Variants in CSNK1G3 observed in about 807,000 individuals in gnomAD.
The protein encoded by CSNK1G3 is casein kinase 1 gamma 3.
CSNK1G3 carries 23 observed loss-of-function variants against 64.3 expected under a neutral mutation model. That is an observed-to-expected ratio of 0.36 (90% CI 0.26 to 0.51). The LOEUF is 0.51. CSNK1G3 is among the 20% of genes least tolerant of loss of function. CSNK1G3 has a pLI of 0.96. For synonymous variants in CSNK1G3, 158 were observed against 162.2 expected, an observed-to-expected ratio of 0.97 and a Z score of 0.20; for missense variants, 357 against 510.5, an observed-to-expected ratio of 0.70 and a Z score of 2.90.
intron 8 of CSNK1G3, 144 bp from the exon 9 acceptor site, chr5:123,590,266 T>C: frequency 2.6e-6 from 1 of 379,644 alleles, no homozygotes; most frequent in Non-Finnish European, 4.6e-6. Flanking sequence ...TTTGTTGTAA[T>C]TAAACTCAGA....
intron 1 of CSNK1G3, among the ~76,000 whole-genome samples, chr5:123,518,534 G>A (rs1428995513): frequency 6.6e-6 from 1 of 152,122 alleles, no homozygotes; most frequent in African/African-American, 2.4e-5. Flanking sequence ...AGGATGGAAT[G>A]GATCTCTCTC....
intron 3 of CSNK1G3, among the ~76,000 whole-genome samples, chr5:123,554,125 T>G (rs1191676135): frequency 6.6e-6 from 1 of 152,182 alleles, no homozygotes; most frequent in African/African-American, 2.4e-5. Flanking sequence ...TAAGTATCTT[T>G]TGAATATAGA....
At chr5:123,593,824 A>G (rs1353734205) in intron 10 of CSNK1G3, among the ~76,000 whole-genome samples, 3 of 152,126 alleles carry the variant, frequency 2.0e-5, no homozygotes, top group Non-Finnish European at 4.4e-5. Context: ...TCATGTGTCT[A>G]CTTGAATTTT....
intron 1 of CSNK1G3, among the ~76,000 whole-genome samples, chr5:123,537,675 G>T (rs1781065972): frequency 6.6e-6 from 1 of 152,088 alleles, no homozygotes; most frequent in Non-Finnish European, 1.5e-5. Context: ...GGGGGCAGTT[G>T]TTTTTAAAAA....
Position 123,597,030 on chromosome 5 carries a change from G to T in CSNK1G3, c.1086+5616G>T, listed in dbSNP as rs74290058. On this transcript the variant is annotated intron_variant, in intron 10 of 12. Coordinates refer to ENST00000345990, the Ensembl canonical transcript of CSNK1G3. ...TAAATTAAAACGTAATAAGAGCAAA[G>T]AAAAGTACCTAAAATTTGAACTGAT... 2.1e-4 allele frequency among the ~76,000 whole-genome samples: 21 copies of T among 100,870 alleles called. No individual in the cohort carries two copies. In the East Asian group the frequency reaches 4.6e-3, roughly 22 times the overall value. The allele number at this position is 100,870 out of a possible 152,430, so 66.2% of individuals were successfully genotyped here. A position where few individuals can be genotyped will look rare whatever the true frequency, so the allele number is the denominator to read the frequency against.
At chr5:123,521,557 G>GT (rs1006339492) in intron 1 of CSNK1G3, among the ~76,000 whole-genome samples, 3 of 152,058 alleles carry the variant, frequency 2.0e-5, no homozygotes, top group African/African-American at 4.8e-5. Flanking sequence ...AATGAAGGTG[G>GT]TTTTTTTAAG....
chr5:123,514,024 A>G (rs749149344), intron 1 of CSNK1G3, among the ~76,000 whole-genome samples: 15 of 152,314 alleles, frequency 9.8e-5, no homozygotes, highest in East Asian at 5.8e-4. Flanking sequence ...GATAAAAATT[A>G]CCTTTATGGA....
intron 6 of CSNK1G3, among the ~76,000 whole-genome samples, chr5:123,578,238 G>A (rs1789550128): frequency 1.3e-5 from 2 of 151,868 alleles, no homozygotes; most frequent in South Asian, 2.1e-4. Flanking sequence ...GAAACTGCCT[G>A]TCTGTTCTCA....
intron 6 of CSNK1G3, among the ~76,000 whole-genome samples, chr5:123,577,165 G>C (rs985496336): frequency 6.6e-6 from 1 of 151,940 alleles, no homozygotes; most frequent in Admixed American, 6.6e-5. Flanking sequence ...GGTGCAGCAA[G>C]TTCTTATAAA....
At chr5:123,595,096 G>C in intron 10 of CSNK1G3, 2 of 1,613,598 alleles carry the variant, frequency 1.2e-6, no homozygotes, top group Non-Finnish European at 1.7e-6. Context: ...CCATTTGAGA[G>C]CTCACCTTGC....
intron 5 of CSNK1G3, among the ~76,000 whole-genome samples, chr5:123,574,474 A>G (rs975260847): frequency 6.6e-6 from 1 of 152,182 alleles, no homozygotes; most frequent in African/African-American, 2.4e-5. Flanking sequence ...GGTTAGTTGA[A>G]TAAATTAATA....
chr5:123,546,886 A>G (rs181495256), intron 2 of CSNK1G3, among the ~76,000 whole-genome samples: 60 of 152,244 alleles, frequency 3.9e-4, no homozygotes, highest in African/African-American at 1.4e-3. Context: ...GATATAGTTT[A>G]TACATACTTG....
intron 1 of CSNK1G3, among the ~76,000 whole-genome samples, chr5:123,517,137 G>T (rs994579478): frequency 1.3e-5 from 2 of 152,098 alleles, no homozygotes; most frequent in Non-Finnish European, 2.9e-5. Flanking sequence ...AGACTCTCGG[G>T]AACACCCTAT....
chr5:123,572,618 CA>C (rs1208163459), intron 4 of CSNK1G3, among the ~76,000 whole-genome samples: 6 of 152,158 alleles, frequency 3.9e-5, no homozygotes, highest in Non-Finnish European at 8.8e-5. Flanking sequence ...TGATTCTTGT[CA>C]GAATTCAATT....
rs66645709 is a variant in CSNK1G3 at position 123,542,849 on chromosome 5, AGTGTGT to A, written c.-247-2535_-247-2530del. Among the ~76,000 whole-genome samples, 1,242 of 134,886 alleles carry A rather than the reference AGTGTGT, an allele frequency of 9.2e-3. 21 individuals are homozygous for A. The highest frequency in any genetic ancestry group is 0.029 in the African/African-American group (1,031 of 35,294). 88.5% of individuals were successfully genotyped at this position (134,886 alleles called of 152,430 possible). A position where few individuals can be genotyped will look rare whatever the true frequency, so the allele number is the denominator to read the frequency against. On this transcript the variant is annotated intron_variant, in intron 1 of 12. Coordinates refer to ENST00000345990, the Ensembl canonical transcript of CSNK1G3. ...AGCAGTTTGTGATATGCCTAGATTT[AGTGTGT>A]GTGTGTGTGTGTGTGTGTGTGTGTG...
chr5:123,585,878 T>C lies in CSNK1G3; in HGVS notation c.674-2190T>C, dbSNP rs1027701342. ...ATGACATAACCCCTTTGGAAAATCA[T>C]ATAGAAGTTTTTTATAAAGTTAAAC... On this transcript the variant is annotated intron_variant, in intron 6 of 12. Coordinates refer to ENST00000345990, the Ensembl canonical transcript of CSNK1G3. Among the ~76,000 whole-genome samples, 3 of 152,176 alleles carry C rather than the reference T, an allele frequency of 2.0e-5. No homozygotes were observed. In the South Asian group the frequency reaches 6.2e-4, roughly 32 times the overall value.
At chr5:123,589,839 C>G (rs1792015771) in intron 8 of CSNK1G3, among the ~76,000 whole-genome samples, 1 of 152,080 alleles carries the variant, frequency 6.6e-6, no homozygotes, top group Admixed American at 6.6e-5. Context: ...AAGACTTACA[C>G]TGTCCTCTTG....
intron 10 of CSNK1G3, among the ~76,000 whole-genome samples, chr5:123,599,374 G>A (rs1445189657): frequency 1.3e-5 from 2 of 152,182 alleles, no homozygotes; most frequent in East Asian, 3.8e-4. Context: ...GATATGTTGT[G>A]CAACCAGGCA....
At chr5:123,530,121 C>T (rs532554694) in intron 1 of CSNK1G3, among the ~76,000 whole-genome samples, 1 of 151,858 alleles carries the variant, frequency 6.6e-6, no homozygotes, top group Non-Finnish European at 1.5e-5. Flanking sequence ...AATATTTCCT[C>T]CCCTTCCAAC....
Sources: allele counts gnomAD v4.1 joint callset (sites outside exome capture counted in the v4.1 genomes callset), GRCh38; gene constraint gnomAD v4.1.1; transcripts MANE v1.5; gene names NCBI Gene and HGNC (gene_info 2026-07-23, HGNC 2026-07-21).